SPIRE1: variants seen among roughly 807,000 people sequenced by gnomAD.
SPIRE1 encodes spire type actin nucleation factor 1.
In SPIRE1, 40 loss-of-function variants were observed where a neutral mutation model predicts 94.1. The ratio of observed to expected loss-of-function variants is 0.43; its 90% CI spans 0.33 to 0.55. The LOEUF (loss-of-function observed/expected upper bound fraction) is 0.55, where lower values mean the gene tolerates loss of function less well. Among genes scored for constraint, SPIRE1 ranks in the 20% least tolerant of loss-of-function variants. The pLI is 0.06. For missense variants in SPIRE1, 838 were observed against 975.2 expected (o/e 0.86, Z 1.87); for synonymous variants, 376 against 371.7 (o/e 1.01, Z -0.13).
intron 2 of SPIRE1, among the ~76,000 whole-genome samples, chr18:12,594,797 C>T (rs1168655512): frequency 1.3e-5 from 2 of 152,142 alleles, no homozygotes; most frequent in Non-Finnish European, 2.9e-5. Flanking sequence ...TCTCTCTTGC[C>T]TCCTCTTCCA....
At chr18:12,552,750 C>G (rs1362979605) in intron 2 of SPIRE1, among the ~76,000 whole-genome samples, 1 of 152,082 alleles carries the variant, frequency 6.6e-6, no homozygotes, top group Non-Finnish European at 1.5e-5. Context: ...TCACGTGGAC[C>G]CCCTTAGAGT....
At chr18:12,604,001 C>T (rs1308430560) in intron 2 of SPIRE1, among the ~76,000 whole-genome samples, 1 of 152,036 alleles carries the variant, frequency 6.6e-6, no homozygotes, top group African/African-American at 2.4e-5. Context: ...GGTGGTGAGC[C>T]TGTACTGGGC....
intron 12 of SPIRE1, chr18:12,459,995 A>G: frequency 1.4e-6 from 1 of 740,494 alleles, no homozygotes; most frequent in Non-Finnish European, 1.7e-6. Flanking sequence ...AATGCTGAAC[A>G]CAAGTGACCT....
At chr18:12,463,274 C>T in intron 12 of SPIRE1, 77 bp downstream of exon 12, 1 of 1,370,252 alleles carries the variant, frequency 7.3e-7, no homozygotes, top group Non-Finnish European at 9.7e-7. Context: ...TTCTCCTTAT[C>T]ATCTTCATAA....
At chr18:12,650,809 G>A (rs1012581971) in intron 1 of SPIRE1, among the ~76,000 whole-genome samples, 3 of 150,152 alleles carry the variant, frequency 2.0e-5, no homozygotes, top group Non-Finnish European at 4.4e-5. Flanking sequence ...AATCTGGGAG[G>A]TCAAAGCTGC....
chr18:12,491,669 G>T (rs964668835), intron 8 of SPIRE1, among the ~76,000 whole-genome samples: 2 of 152,130 alleles, frequency 1.3e-5, no homozygotes, highest in Non-Finnish European at 2.9e-5. Flanking sequence ...ACTCTGTACA[G>T]CCCAGTGCTG....
At chr18:12,554,461 T>C (rs1297622775) in intron 2 of SPIRE1, among the ~76,000 whole-genome samples, 1 of 152,006 alleles carries the variant, frequency 6.6e-6, no homozygotes, top group Admixed American at 6.6e-5. Flanking sequence ...ATCCAAAACC[T>C]GAACAGATAA....
intron 2 of SPIRE1, among the ~76,000 whole-genome samples, chr18:12,582,284 A>T (rs924141374): frequency 1.3e-5 from 2 of 152,224 alleles, no homozygotes; most frequent in African/African-American, 4.8e-5. Context: ...GCAGAGAGGC[A>T]TGCTCAGAAA....
intron 2 of SPIRE1, among the ~76,000 whole-genome samples, chr18:12,560,160 T>A (rs2035642447): frequency 6.6e-6 from 1 of 152,160 alleles, no homozygotes; most frequent in African/African-American, 2.4e-5. Flanking sequence ...GTACAACCAC[T>A]ATCAGGAACA....
intron 4 of SPIRE1, among the ~76,000 whole-genome samples, chr18:12,516,849 G>T (rs1598429532): frequency 6.6e-6 from 1 of 152,138 alleles, no homozygotes; most frequent in South Asian, 2.1e-4. Context: ...AGTCAGGAGG[G>T]TGTCACTGTT....
chr18:12,641,949 A>G (rs926632665), intron 1 of SPIRE1, among the ~76,000 whole-genome samples: 11 of 149,526 alleles, frequency 7.4e-5, no homozygotes, highest in Middle Eastern at 3.5e-3. Context: ...CTCCTGCCTC[A>G]GCCTCCTGAG....
intron 2 of SPIRE1, among the ~76,000 whole-genome samples, chr18:12,584,655 C>T (rs1412491253): frequency 6.6e-6 from 1 of 152,068 alleles, no homozygotes; most frequent in African/African-American, 2.4e-5. Flanking sequence ...ATTAGCCAGG[C>T]ATAGTGGCAT....
At chr18:12,602,559 T>C (rs2036865810) in intron 2 of SPIRE1, among the ~76,000 whole-genome samples, 1 of 152,148 alleles carries the variant, frequency 6.6e-6, no homozygotes, top group African/African-American at 2.4e-5. Context: ...ATAGCCACTT[T>C]AAAGAAATCA....
In SPIRE1 at chr18:12,493,077, C is replaced by G; in HGVS notation, c.1184G>C (p.Arg395Thr). The change falls in exon 8 of 17, where the codon AGA becomes ACA. Residue 395 changes from arginine (R) to threonine (T), a missense_variant. Coordinates refer to ENST00000409402, the MANE Select transcript of SPIRE1 (RefSeq NM_001128626.2). The part of the protein sequence containing the change: ...PVSPEEIRRS[R>T]LAMRPLSMSY... ...ACAGGAAGCAGTGGACTCACCTAAT[C>G]TGCTACGTCTAATCTCCTCTGGTGA... 1 of 1,610,414 alleles carries G rather than the reference C, an allele frequency of 6.2e-7. No individual in the cohort carries two copies. Among genetic ancestry groups the G allele is most frequent in the Non-Finnish European group, 8.5e-7 (1 of 1,179,174 alleles).
At chr18:12,560,867 AAAC>A in intron 2 of SPIRE1, among the ~76,000 whole-genome samples, 1 of 152,196 alleles carries the variant, frequency 6.6e-6, no homozygotes, top group Non-Finnish European at 1.5e-5. Context: ...AAACAAAACT[AAAC>A]AAACAAAACA....
chr18:12,565,634 A>G (rs1305507644), intron 2 of SPIRE1, among the ~76,000 whole-genome samples: 2 of 151,922 alleles, frequency 1.3e-5, no homozygotes, highest in Admixed American at 6.6e-5. Context: ...TCAGCCTCCC[A>G]AAGTCCTGGG....
chr18:12,489,786 C>T (rs2033167109), intron 8 of SPIRE1, among the ~76,000 whole-genome samples: 1 of 152,162 alleles, frequency 6.6e-6, no homozygotes, highest in South Asian at 2.1e-4. Context: ...TAACAAAGTA[C>T]TGTATATACA....
At chr18:12,478,539 AGGGTGTGTGTGTGAAGCTAG>A (rs1450945645) in intron 10 of SPIRE1, among the ~76,000 whole-genome samples, 7 of 113,602 alleles carry the variant, frequency 6.2e-5, no homozygotes, top group Non-Finnish European at 1.0e-4. Context: ...GTGTGTAGCT[AGGGTGTGTGTGTGAAGCTAG>A]GGTGTGTGTG....
intron 10 of SPIRE1, among the ~76,000 whole-genome samples, chr18:12,465,948 G>T (rs182316047): frequency 2.0e-4 from 31 of 152,094 alleles, no homozygotes; most frequent in African/African-American, 7.0e-4. Flanking sequence ...GCCAGGCGTG[G>T]TGGCACGCGC....
Sources: allele counts gnomAD v4.1 joint callset (sites outside exome capture counted in the v4.1 genomes callset), GRCh38; gene constraint gnomAD v4.1.1; transcripts MANE v1.5; gene names NCBI Gene and HGNC (gene_info 2026-07-23, HGNC 2026-07-21).